Variants in DLGAP2 observed in about 807,000 individuals in gnomAD.
The protein encoded by DLGAP2 is disks large-associated protein 2.
DLGAP2 carries 26 observed loss-of-function variants against 100.3 expected under a neutral mutation model. That is an observed-to-expected ratio of 0.26 (90% CI 0.19 to 0.36). DLGAP2 has a LOEUF of 0.36. DLGAP2 is among the 10% of genes least tolerant of loss of function. DLGAP2 has a pLI of 1.00. For missense variants in DLGAP2, 1,858 were observed against 1,453.2 expected, an observed-to-expected ratio of 1.28 and a Z score of -4.53; for synonymous variants, 886 against 630.1, an observed-to-expected ratio of 1.41 and a Z score of -6.08.
chr8:893,160 G>C (rs939193633), intron 1 of DLGAP2: 2 of 152,072 alleles, frequency 1.3e-5, no homozygotes, highest in Non-Finnish European at 2.9e-5. Flanking sequence ...GCTGAGCCGC[G>C]TGCAACGTGG....
intron 2 of DLGAP2, among the ~76,000 whole-genome samples, chr8:1,160,267 T>G (rs1371223521): frequency 6.6e-6 from 1 of 152,214 alleles, no homozygotes; most frequent in African/African-American, 2.4e-5. Context: ...GAACCACGGC[T>G]TTGACATGCC....
chr8:1,647,225 C>G (rs1798059727), intron 8 of DLGAP2, among the ~76,000 whole-genome samples: 1 of 152,096 alleles, frequency 6.6e-6, no homozygotes, highest in African/African-American at 2.4e-5. Context: ...CAGGGGAACC[C>G]TAGCGTAAGG....
chr8:1,147,938 TA>T (rs1404766729), intron 2 of DLGAP2, among the ~76,000 whole-genome samples: 2 of 152,282 alleles, frequency 1.3e-5, no homozygotes, highest in African/African-American at 4.8e-5. Context: ...ACAGATTGTC[TA>T]TTTTTTAAAA....
intron 8 of DLGAP2, among the ~76,000 whole-genome samples, chr8:1,655,753 C>T (rs1341597106): frequency 1.3e-5 from 2 of 152,238 alleles, no homozygotes; most frequent in East Asian, 1.9e-4. Flanking sequence ...GGTTGGCTAA[C>T]CCAACACCTT....
At chr8:1,128,283 T>C (rs1796215087) in intron 2 of DLGAP2, among the ~76,000 whole-genome samples, 2 of 150,382 alleles carry the variant, frequency 1.3e-5, no homozygotes, top group African/African-American at 2.4e-5. Context: ...CCCGGTGTTG[T>C]GTTCCATGAG....
intron 4 of DLGAP2, among the ~76,000 whole-genome samples, chr8:1,536,735 C>T (rs927963368): frequency 6.6e-6 from 1 of 152,200 alleles, no homozygotes; most frequent in Non-Finnish European, 1.5e-5. Flanking sequence ...TCCCTTTTGC[C>T]CAAAGCATCC....
chr8:1,154,188 T>C (rs1455293010), intron 2 of DLGAP2, among the ~76,000 whole-genome samples: 3 of 152,008 alleles, frequency 2.0e-5, no homozygotes, highest in Non-Finnish European at 4.4e-5. Flanking sequence ...ATGTAAGGGG[T>C]AATTGTGAAT....
At chr8:1,240,325 G>GTTCTCTCACATGGTGCTGTGTCTAT in intron 2 of DLGAP2, among the ~76,000 whole-genome samples, 1 of 143,162 alleles carries the variant, frequency 7.0e-6, no homozygotes. Context: ...GCTGTGTCTA[G>GTTCTCTCACATGGTGCTGTGTCTAT]TTCTCTCTCA....
intron 8 of DLGAP2, among the ~76,000 whole-genome samples, chr8:1,639,500 C>G (rs886262925): frequency 5.9e-5 from 9 of 152,212 alleles, no homozygotes; most frequent in African/African-American, 2.2e-4. Context: ...TTCCTGGTGT[C>G]CATAAGCCCT....
At chr8:1,613,343 T>A (rs13264009) in intron 6 of DLGAP2, among the ~76,000 whole-genome samples, 1 of 147,926 alleles carries the variant, frequency 6.8e-6, no homozygotes, top group Admixed American at 6.7e-5. Context: ...ACTGAACAAT[T>A]AGAACACGTG....
chr8:906,719 T>C (rs1309162149), intron 1 of DLGAP2, among the ~76,000 whole-genome samples: 1 of 152,188 alleles, frequency 6.6e-6, no homozygotes, highest in South Asian at 2.1e-4. Context: ...GCCCCGACTG[T>C]CTCACCGCGG....
At chr8:1,438,786 A>G (rs946128500) in intron 3 of DLGAP2, among the ~76,000 whole-genome samples, 4 of 152,182 alleles carry the variant, frequency 2.6e-5, no homozygotes, top group African/African-American at 9.6e-5. Context: ...CTCTAAAGAT[A>G]TGTTGCTGGT....
chr8:1,653,869 C>A (rs1417259274), intron 8 of DLGAP2, among the ~76,000 whole-genome samples: 1 of 152,156 alleles, frequency 6.6e-6, no homozygotes, highest in Non-Finnish European at 1.5e-5. Context: ...TCATTTGACT[C>A]TGAGGTGTAA....
intron 12 of DLGAP2, among the ~76,000 whole-genome samples, chr8:1,683,846 ATATATATATATGTGTGTG>A (rs1267672776): frequency 4.9e-4 from 34 of 68,912 alleles, no homozygotes; most frequent in African/African-American, 3.4e-3. Flanking sequence ...ATATATATAT[ATATATATATATGTGTGTG>A]TGTGTGTGTG....
intron 3 of DLGAP2, among the ~76,000 whole-genome samples, chr8:1,469,910 C>G (rs919316684): frequency 2.8e-4 from 43 of 151,654 alleles, no homozygotes; most frequent in African/African-American, 1.0e-3. Context: ...TAATCCCACA[C>G]TTTGGGAGGC....
intron 2 of DLGAP2, among the ~76,000 whole-genome samples, chr8:1,198,777 C>T (rs1040517025): frequency 6.6e-6 from 1 of 152,236 alleles, no homozygotes; most frequent in Non-Finnish European, 1.5e-5. Context: ...CGATGCTTCC[C>T]CTTTCCCTCG....
At chr8:785,410 A>G (rs924141005) in intron 1 of DLGAP2, among the ~76,000 whole-genome samples, 2 of 148,702 alleles carry the variant, frequency 1.3e-5, no homozygotes, top group South Asian at 2.1e-4. Context: ...TCCTCCCCTC[A>G]GGTCTCTCTG....
At chr8:1,197,216 C>CA (rs1797770922) in intron 2 of DLGAP2, among the ~76,000 whole-genome samples, 1 of 152,138 alleles carries the variant, frequency 6.6e-6, no homozygotes, top group Admixed American at 6.5e-5. Context: ...TTGCAGAGTC[C>CA]ACTTCAGGTC....
chr8:1,545,873 C>T (rs762302897), intron 4 of DLGAP2, among the ~76,000 whole-genome samples: 12 of 152,058 alleles, frequency 7.9e-5, no homozygotes, highest in Non-Finnish European at 1.3e-4. Flanking sequence ...AAACATTAGG[C>T]AGAAGTAGGA....
Sources: allele counts gnomAD v4.1 joint callset (sites outside exome capture counted in the v4.1 genomes callset), GRCh38; gene constraint gnomAD v4.1.1; transcripts MANE v1.5; gene names NCBI Gene and HGNC (gene_info 2026-07-23, HGNC 2026-07-21).